The following JARID2 variants were observed in gnomAD, a reference collection of about 807,000 sequenced individuals.
The protein encoded by JARID2 is jumonji and AT-rich interaction domain containing 2.
In JARID2, 21 loss-of-function variants were observed where a neutral mutation model predicts 125.6. The observed-to-expected ratio is 0.17, with a 90% confidence interval of 0.12 to 0.24. JARID2 has a LOEUF of 0.24. Ranked by LOEUF, JARID2 falls within the 10% of genes least tolerant of loss-of-function variation. The probability of loss-of-function intolerance (pLI) is 1.00; values close to 1 mark genes in which losing one functional copy is unlikely to be tolerated. For missense variants in JARID2, 1,303 were observed against 1,639.6 expected (o/e 0.79, Z 3.55); for synonymous variants, 736 against 661.6 (o/e 1.11, Z -1.73).
At chr6:15,476,541 G>T (rs1218786127) in intron 5 of JARID2, among the ~76,000 whole-genome samples, 1 of 152,176 alleles carries the variant, frequency 6.6e-6, no homozygotes, top group Non-Finnish European at 1.5e-5. Context: ...GGACTCTAAT[G>T]TGCTCATTTG....
At chr6:15,452,908 GTTAT>G (rs1767986060) in intron 4 of JARID2, among the ~76,000 whole-genome samples, 1 of 152,176 alleles carries the variant, frequency 6.6e-6, no homozygotes, top group African/African-American at 2.4e-5. Context: ...CTTGGGTGAG[GTTAT>G]TTGAGAGAAA....
rs756367323 is a variant in JARID2, at chr6:15,487,483, C to G, written c.847C>G (p.Leu283Val). 1.2e-6 allele frequency: 2 copies of G among 1,614,164 alleles called. No individual in the cohort carries two copies. The highest frequency in any genetic ancestry group is 1.1e-5 in the South Asian group (1 of 91,072). Reference protein sequence around the residue: ...APSTGSSAKGLAATHHHPPLH... With the variant: ...APSTGSSAKGVAATHHHPPLH... ...CTCCACGGGTTCCTCGGCCAAGGGG[C>G]TTGCTGCCACCCATCACCACCCCCC... The change falls in exon 6 of 18, where the codon CTT (leucine) becomes GTT (valine). Residue 283 changes from leucine (L) to valine (V), a missense_variant. By Grantham distance (32) the Leu-to-Val change is conservative. Coordinates refer to ENST00000341776, the MANE Select transcript of JARID2 (RefSeq NM_004973.4).
At chr6:15,490,441 A>G (rs1258031186) in intron 6 of JARID2, among the ~76,000 whole-genome samples, 1 of 152,140 alleles carries the variant, frequency 6.6e-6, no homozygotes, top group African/African-American at 2.4e-5. Flanking sequence ...GAACTGGGCA[A>G]TGCCATTTGA....
intron 5 of JARID2, among the ~76,000 whole-genome samples, chr6:15,481,049 T>C (rs1438616049): frequency 6.6e-6 from 1 of 152,246 alleles, no homozygotes. Flanking sequence ...TGCTATTAAA[T>C]ATGTTTCTAA....
At chr6:15,504,685 C>T (rs1308186414) in intron 9 of JARID2, 93 bp downstream of exon 9, 11 of 796,636 alleles carry the variant, frequency 1.4e-5, no homozygotes, top group Middle Eastern at 2.3e-4. Flanking sequence ...CCCTGCAGCT[C>T]GGTGAACGGA....
intron 1 of JARID2, among the ~76,000 whole-genome samples, chr6:15,275,464 T>G (rs1162620215): frequency 6.8e-6 from 1 of 147,618 alleles, no homozygotes; most frequent in Non-Finnish European, 1.5e-5. Flanking sequence ...GGTGTTCAAG[T>G]CAGATGCTTT....
intron 1 of JARID2, among the ~76,000 whole-genome samples, chr6:15,339,612 C>T (rs538252546): frequency 3.3e-5 from 5 of 151,380 alleles, no homozygotes; most frequent in South Asian, 2.1e-4. Flanking sequence ...CTCGGCTCAC[C>T]GCAACCTCTG....
intron 1 of JARID2, among the ~76,000 whole-genome samples, chr6:15,359,926 A>G (rs1314059796): frequency 6.6e-6 from 1 of 151,948 alleles, no homozygotes; most frequent in Non-Finnish European, 1.5e-5. Context: ...ACCTCAGGTG[A>G]TCTATCTTCC....
chr6:15,431,479 G>A (rs1468127506), intron 3 of JARID2, among the ~76,000 whole-genome samples: 1 of 152,126 alleles, frequency 6.6e-6, no homozygotes, highest in African/African-American at 2.4e-5. Flanking sequence ...GAATAATTCT[G>A]ACAAACACCT....
intron 1 of JARID2, among the ~76,000 whole-genome samples, chr6:15,315,797 A>C (rs1239591194): frequency 6.6e-6 from 1 of 152,162 alleles, no homozygotes; most frequent in African/African-American, 2.4e-5. Context: ...GAAGCAAGCA[A>C]GTCCTGTAGT....
chr6:15,481,993 A>C (rs139355469), intron 5 of JARID2, among the ~76,000 whole-genome samples: 241 of 152,346 alleles, frequency 1.6e-3, no homozygotes, highest in African/African-American at 5.5e-3. Flanking sequence ...TTTCCTGAGC[A>C]GTAGGTTTTG....
intron 1 of JARID2, among the ~76,000 whole-genome samples, chr6:15,292,680 T>C (rs1486038746): frequency 2.0e-5 from 3 of 152,190 alleles, no homozygotes; most frequent in Non-Finnish European, 4.4e-5. Context: ...TATTTGTTTA[T>C]GTTTTGAGAC....
intron 3 of JARID2, among the ~76,000 whole-genome samples, chr6:15,411,333 A>AT (rs2127570050): frequency 6.6e-6 from 1 of 152,012 alleles, no homozygotes; most frequent in East Asian, 1.9e-4. Context: ...ATGTGTAGAT[A>AT]TTTAAGATTC....
At chr6:15,449,186 A>G (rs1581579895) in intron 3 of JARID2, among the ~76,000 whole-genome samples, 1 of 152,010 alleles carries the variant, frequency 6.6e-6, no homozygotes, top group South Asian at 2.1e-4. Flanking sequence ...TGGTTGCAAA[A>G]AAGCTCTCTT....
chr6:15,416,481 C>T (rs981320719), intron 3 of JARID2, among the ~76,000 whole-genome samples: 4 of 152,156 alleles, frequency 2.6e-5, no homozygotes, highest in Admixed American at 1.3e-4. Flanking sequence ...CGGTTAGGAG[C>T]TGGAGACCAG....
At chr6:15,323,810 T>A (rs146890158) in intron 1 of JARID2, among the ~76,000 whole-genome samples, 2,006 of 152,032 alleles carry the variant, frequency 0.013, 28 homozygotes, top group Non-Finnish European at 0.02. Flanking sequence ...GAGAATCACT[T>A]GAGCCCTGGA....
chr6:15,381,513 C>T (rs1480076689), intron 2 of JARID2, among the ~76,000 whole-genome samples: 1 of 152,112 alleles, frequency 6.6e-6, no homozygotes, highest in African/African-American at 2.4e-5. Context: ...CTCCTGTTTC[C>T]CCTGATGTGA....
At chr6:15,455,455 A>C (rs11961516) in intron 4 of JARID2, among the ~76,000 whole-genome samples, 4,672 of 152,184 alleles carry the variant, frequency 0.031, 238 homozygotes, top group African/African-American at 0.1. Flanking sequence ...GTGGGATATA[A>C]CACTAGAACT....
At chr6:15,456,454 T>C (rs922444441) in intron 4 of JARID2, among the ~76,000 whole-genome samples, 1 of 152,242 alleles carries the variant, frequency 6.6e-6, no homozygotes, top group African/African-American at 2.4e-5. Flanking sequence ...GAATTTCATA[T>C]ATGAGCTAGG....
Sources: allele counts gnomAD v4.1 joint callset (sites outside exome capture counted in the v4.1 genomes callset), GRCh38; gene constraint gnomAD v4.1.1; transcripts MANE v1.5; gene names NCBI Gene and HGNC (gene_info 2026-07-23, HGNC 2026-07-21).